Variants in ADAM9 observed in about 807,000 individuals in gnomAD.
ADAM9 encodes the protein ADAM metallopeptidase domain 9, also known as disintegrin and metalloproteinase domain-containing protein 9.
ADAM9 carries 54 observed loss-of-function variants against 108.1 expected under a neutral mutation model. The observed-to-expected ratio is 0.50, with a 90% CI of 0.40 to 0.63. ADAM9 has a LOEUF of 0.63. ADAM9 is among the 20% of genes least tolerant of loss of function. The pLI is 0.00. For missense variants in ADAM9, 830 were observed against 997.7 expected, an observed-to-expected ratio of 0.83 and a Z score of 2.26; for synonymous variants, 316 against 336.0, an observed-to-expected ratio of 0.94 and a Z score of 0.65.
chr8:39,024,082 G>T (rs1237874449), intron 9 of ADAM9, among the ~76,000 whole-genome samples: 1 of 152,130 alleles, frequency 6.6e-6, no homozygotes, highest in African/African-American at 2.4e-5. Flanking sequence ...GACTTTGAAG[G>T]CGTTGCTCTT....
chr8:39,093,508 A>G (rs926085475), intron 20 of ADAM9, among the ~76,000 whole-genome samples: 4 of 152,188 alleles, frequency 2.6e-5, no homozygotes, highest in South Asian at 2.1e-4. Context: ...AGGGTTTTCT[A>G]TATAAAAGAC....
chr8:39,073,745 G>A (rs746933996), intron 15 of ADAM9, among the ~76,000 whole-genome samples: 4 of 152,058 alleles, frequency 2.6e-5, no homozygotes, highest in Non-Finnish European at 5.9e-5. Context: ...CTTTAGCCTT[G>A]TCTTGTTTCA....
intron 11 of ADAM9, among the ~76,000 whole-genome samples, chr8:39,027,488 C>A (rs1230095748): frequency 6.6e-6 from 1 of 152,170 alleles, no homozygotes; most frequent in East Asian, 1.9e-4. Flanking sequence ...TCTCCATTTG[C>A]AGATGAGGAA....
chr8:39,095,554 A>G (rs933033042), intron 20 of ADAM9, among the ~76,000 whole-genome samples: 2 of 152,124 alleles, frequency 1.3e-5, no homozygotes, highest in Non-Finnish European at 2.9e-5. Context: ...TTAACATATT[A>G]TTTGTCCTGG....
chr8:39,018,452 G>A (rs988172971), intron 6 of ADAM9, among the ~76,000 whole-genome samples: 1 of 152,036 alleles, frequency 6.6e-6, no homozygotes, highest in African/African-American at 2.4e-5. Flanking sequence ...ATAGTAATGG[G>A]CTTTTTCATT....
intron 1 of ADAM9, among the ~76,000 whole-genome samples, chr8:39,004,621 C>T (rs188964227): frequency 5.3e-5 from 8 of 152,268 alleles, no homozygotes; most frequent in African/African-American, 1.2e-4. Flanking sequence ...GGCTACTCCA[C>T]GAGCAGAACA....
intron 15 of ADAM9, chr8:39,076,227 G>A (rs1157718988): frequency 1.3e-5 from 2 of 152,166 alleles, no homozygotes. Context: ...ATTTAGGAGG[G>A]AGCGTCCTTG....
At chr8:39,026,000 A>T (rs1397024733) in intron 10 of ADAM9, 116 bp downstream of exon 10, 1 of 1,061,540 alleles carries the variant, frequency 9.4e-7, no homozygotes, top group Admixed American at 1.8e-5. Context: ...GTTATGAGGA[A>T]CACAGTAGAA....
intron 11 of ADAM9, among the ~76,000 whole-genome samples, chr8:39,035,413 A>G (rs928938903): frequency 6.6e-6 from 1 of 152,202 alleles, no homozygotes; most frequent in African/African-American, 2.4e-5. Flanking sequence ...TAGAACTAGT[A>G]TTAGGAGTCT....
intron 11 of ADAM9, among the ~76,000 whole-genome samples, chr8:39,035,597 T>G (rs1192093241): frequency 2.0e-5 from 3 of 152,148 alleles, no homozygotes; most frequent in Non-Finnish European, 4.4e-5. Flanking sequence ...GGCAGGTGGA[T>G]CACGAGGTCA....
At chr8:39,038,576 A>G (rs1837357102) in intron 11 of ADAM9, among the ~76,000 whole-genome samples, 1 of 152,194 alleles carries the variant, frequency 6.6e-6, no homozygotes, top group South Asian at 2.1e-4. Context: ...AATTTATTAT[A>G]TAAGTAAATC....
At chr8:39,070,100 C>T (rs1838631029) in intron 14 of ADAM9, among the ~76,000 whole-genome samples, 1 of 140,962 alleles carries the variant, frequency 7.1e-6, no homozygotes, top group South Asian at 2.3e-4. Context: ...CTGCAGTGAG[C>T]TATGACCTTG....
chr8:39,020,067 C>T (rs577745753), intron 7 of ADAM9, among the ~76,000 whole-genome samples: 3 of 152,266 alleles, frequency 2.0e-5, no homozygotes, highest in South Asian at 4.1e-4. Flanking sequence ...GGGCGGATCA[C>T]GAGATCAGGA....
intron 11 of ADAM9, among the ~76,000 whole-genome samples, chr8:39,035,329 A>C (rs1837235009): frequency 1.3e-5 from 2 of 152,164 alleles, no homozygotes; most frequent in Non-Finnish European, 2.9e-5. Flanking sequence ...TTTCCTGCCC[A>C]AATTTTCATG....
intron 8 of ADAM9, 28 bp from the exon 9 acceptor site, chr8:39,023,123 ATATTT>A: frequency 6.4e-7 from 1 of 1,568,324 alleles, no homozygotes; most frequent in Non-Finnish European, 8.7e-7. Context: ...GTTCTTTACT[ATATTT>A]TATATACTTT....
chr8:39,078,844 CATT>C (rs1337213015), intron 16 of ADAM9, among the ~76,000 whole-genome samples: 1 of 152,098 alleles, frequency 6.6e-6, no homozygotes, highest in African/African-American at 2.4e-5. Flanking sequence ...CTATTTTAGA[CATT>C]ATCCACTAGT....
At chr8:39,021,581 G>A (rs1836741010) in intron 7 of ADAM9, 62 bp from the exon 8 acceptor site, 2 of 1,460,994 alleles carry the variant, frequency 1.4e-6, no homozygotes, top group East Asian at 2.3e-5. Context: ...ACTGCACCCG[G>A]CCTTACATTT....
intron 14 of ADAM9, among the ~76,000 whole-genome samples, chr8:39,056,887 G>A (rs925006419): frequency 6.6e-6 from 1 of 152,124 alleles, no homozygotes; most frequent in Non-Finnish European, 1.5e-5. Context: ...GTTCTCTAGA[G>A]AAATGGAACC....
chr8:39,028,255 G>A (rs931858818), intron 11 of ADAM9, among the ~76,000 whole-genome samples: 1 of 152,110 alleles, frequency 6.6e-6, no homozygotes, highest in African/African-American at 2.4e-5. Flanking sequence ...TCAATCACAT[G>A]CTAGTATAAA....
Sources: allele counts gnomAD v4.1 joint callset (sites outside exome capture counted in the v4.1 genomes callset), GRCh38; gene constraint gnomAD v4.1.1; transcripts MANE v1.5; gene names NCBI Gene and HGNC (gene_info 2026-07-23, HGNC 2026-07-21).